NUP54: variants seen among roughly 807,000 people sequenced by gnomAD.
The protein encoded by NUP54 is nucleoporin p54.
In NUP54, 27 loss-of-function variants were observed where a neutral mutation model predicts 66.4. That is an observed-to-expected ratio of 0.41 (90% CI 0.30 to 0.56). The LOEUF (loss-of-function observed/expected upper bound fraction) is 0.56, where lower values mean the gene tolerates loss of function less well. Ranked by LOEUF, NUP54 falls within the 20% of genes least tolerant of loss-of-function variation. The pLI is 0.34. For synonymous variants in NUP54, 206 were observed against 210.7 expected (o/e 0.98, Z 0.19); for missense variants, 486 against 596.3 (o/e 0.82, Z 1.93).
At chr4:76,141,094 G>C (rs1034636378) in intron 3 of NUP54, among the ~76,000 whole-genome samples, 5 of 152,128 alleles carry the variant, frequency 3.3e-5, no homozygotes, top group African/African-American at 1.2e-4. Flanking sequence ...TGATTCACAG[G>C]TATTGCCAAC....
chr4:76,117,942 T>C, intron 10 of NUP54, 133 bp downstream of exon 10: 3 of 1,056,736 alleles, frequency 2.8e-6, no homozygotes, highest in Non-Finnish European at 4.2e-6. Context: ...TGACTGAGTT[T>C]ACTTTAGAAA....
chr4:76,135,879 C>T (rs1423982601), intron 4 of NUP54, among the ~76,000 whole-genome samples: 1 of 152,178 alleles, frequency 6.6e-6, no homozygotes, highest in Non-Finnish European at 1.5e-5. Context: ...ATGAATACCA[C>T]TAAATTGTAG....
chr4:76,148,391 A>G lies in NUP54; in HGVS notation c.-17T>C, dbSNP rs757904376. On this transcript the variant is annotated 5_prime_UTR_variant, in exon 1 of 12. Transcript: ENST00000264883. ...GAAGGCCATGTCGCGAAAGCAGGAG[A>G]CCAAGTAGGTTACTCCTGCGACGCG... The G allele has an allele frequency of 8.6e-6, 13 of 1,505,920 alleles. No individual in the cohort carries two copies. Among genetic ancestry groups the G allele is most frequent in the Non-Finnish European group, 1.1e-5 (12 of 1,124,494 alleles). 93.3% of individuals were successfully genotyped at this position (1,505,920 alleles called of 1,614,324 possible). A position where few individuals can be genotyped will look rare whatever the true frequency, so the allele number is the denominator to read the frequency against.
At position 76,144,216 on chromosome 4, in the gene NUP54, A is replaced by C. The variant is rs1346565002; in HGVS notation, c.228T>G (p.Gly76=). The C allele has an allele frequency of 3.7e-6, 6 of 1,612,442 alleles. No homozygotes were observed. Among genetic ancestry groups the C allele is most frequent in the African/African-American group, 2.7e-5 (2 of 74,860 alleles). The change falls in exon 3 of 12, where the codon GGT becomes GGG. Residue 76 remains glycine, a synonymous_variant. Coordinates refer to ENST00000264883, the MANE Select transcript of NUP54 (RefSeq NM_017426.4). ...GFGTTTGTST[G]LGTGLGTGLG... is the part of the protein sequence containing the mutation. ...GTCCAGTTCCCAAACCAGTACCTAA[A>C]CCAGTACTAGTTCCCGTTGTTGTGC...
chr4:76,127,121 A>G (rs1046318529), intron 8 of NUP54, among the ~76,000 whole-genome samples: 1 of 152,210 alleles, frequency 6.6e-6, no homozygotes. Context: ...GAGGAATATC[A>G]TATTTTTATA....
intron 3 of NUP54, among the ~76,000 whole-genome samples, chr4:76,139,151 G>A (rs922874847): frequency 1.3e-5 from 2 of 152,184 alleles, no homozygotes; most frequent in African/African-American, 4.8e-5. Context: ...CAGTGTGATA[G>A]GGAGGAAATT....
At chr4:76,143,173 G>A (rs1237409898) in intron 3 of NUP54, among the ~76,000 whole-genome samples, 2 of 151,892 alleles carry the variant, frequency 1.3e-5, no homozygotes, top group Non-Finnish European at 2.9e-5. Flanking sequence ...ATATATGTAC[G>A]CCCCAGATCT....
At chr4:76,147,808 G>C in intron 1 of NUP54, 1 of 391,692 alleles carries the variant, frequency 2.6e-6, no homozygotes, top group South Asian at 2.2e-5. Flanking sequence ...GGGTGGGGCA[G>C]ATGGAAGAAG....
At chr4:76,134,128 C>T (rs1383744459) in intron 5 of NUP54, 47 bp downstream of exon 5, 2 of 1,387,510 alleles carry the variant, frequency 1.4e-6, no homozygotes, top group Non-Finnish European at 2.0e-6. Context: ...TCCCTTAGGA[C>T]CAGAAATAAA....
chr4:76,124,631 G>T lies in NUP54; in HGVS notation c.1164+18C>A. On this transcript the variant is annotated intron_variant, in intron 9 of 11. Coordinates refer to ENST00000264883, the MANE Select transcript of NUP54 (RefSeq NM_017426.4). ...ACATAGTCTTATAAACACTGGGGGG[G>T]AAAATCCAAATTACTACCTGTAAAG... 1.6e-6 allele frequency: 2 copies of T among 1,241,414 alleles called. No individual in the cohort carries two copies. Among genetic ancestry groups the T allele is most frequent in the Non-Finnish European group, 2.4e-6 (2 of 848,692 alleles). The allele number at this position is 1,241,414 out of a possible 1,614,324, so 76.9% of individuals were successfully genotyped here.
intron 5 of NUP54, 61 bp from the exon 6 acceptor site, chr4:76,132,780 A>C: frequency 7.7e-6 from 9 of 1,175,076 alleles, no homozygotes; most frequent in Non-Finnish European, 9.8e-6. Flanking sequence ...GACAAACCTC[A>C]GCATATCATA....
chr4:76,125,938 A>C (rs1408607140), intron 8 of NUP54, among the ~76,000 whole-genome samples: 1 of 114,966 alleles, frequency 8.7e-6, no homozygotes, highest in Non-Finnish European at 2.0e-5. Flanking sequence ...CTTCAGAAAT[A>C]ATTAAGGAAT....
At chr4:76,123,086 G>C (rs1020023821) in intron 9 of NUP54, among the ~76,000 whole-genome samples, 4 of 152,168 alleles carry the variant, frequency 2.6e-5, no homozygotes, top group African/African-American at 4.8e-5. Context: ...AATGGGTACG[G>C]GATTTGTCTG....
Position 76,125,837 on chromosome 4 carries a change from GGA to G in NUP54, c.1057-1083_1057-1082del, listed in dbSNP as rs558568035. On this transcript the variant is annotated intron_variant, in intron 8 of 11. Transcript: ENST00000264883. ...AGAAGAGGGAGAAAGGGGGAGAGAG[GGA>G]GAGAGGGAGAGAGGGGGAGGGGGAG... is the stretch of plus-strand genomic sequence containing the variant. Among the ~76,000 whole-genome samples the G allele has an allele frequency of 1.1e-4, 6 of 54,248 alleles. 1 individual carries two copies. In the South Asian group the frequency reaches 6.6e-3, roughly 60 times the overall value. The allele number at this position is 54,248 out of a possible 152,430, so 35.6% of individuals were successfully genotyped here.
At chr4:76,142,384 T>C (rs189689746) in intron 3 of NUP54, among the ~76,000 whole-genome samples, 119 of 152,344 alleles carry the variant, frequency 7.8e-4, no homozygotes, top group Admixed American at 2.1e-3. Flanking sequence ...ATAACTAATC[T>C]TCAGTGACTG....
Position 76,115,231 on chromosome 4 carries a change from A to T in NUP54, c.*135T>A. ...CAGATTTGATGAACAGTAATTTGTCAGTAAACTTCTCAAAAAACCAATCCA... is the reference window on the plus strand; with the variant it reads ...CAGATTTGATGAACAGTAATTTGTCTGTAAACTTCTCAAAAAACCAATCCA... On this transcript the variant is annotated 3_prime_UTR_variant, in exon 12 of 12. Coordinates refer to ENST00000264883, the MANE Select transcript of NUP54 (RefSeq NM_017426.4). 1 of 697,932 alleles carries T rather than the reference A, an allele frequency of 1.4e-6. No individual in the cohort carries two copies. The allele number at this position is 697,932 out of a possible 1,614,324, so 43.2% of individuals were successfully genotyped here.
At chr4:76,137,739 T>C (rs1731099511) in intron 3 of NUP54, among the ~76,000 whole-genome samples, 1 of 152,192 alleles carries the variant, frequency 6.6e-6, no homozygotes, top group Admixed American at 6.5e-5. Context: ...ATGTCATCTT[T>C]CAACAAAGCG....
intron 8 of NUP54, among the ~76,000 whole-genome samples, chr4:76,129,979 T>G (rs1161902617): frequency 1.0e-3 from 72 of 69,470 alleles, no homozygotes; most frequent in Admixed American, 7.4e-4. Flanking sequence ...TTTTTTTTTT[T>G]TTTTTTTTTT....
At position 76,115,102 on chromosome 4, in the gene NUP54, A is replaced by G. The variant is rs866027496; in HGVS notation, c.*264T>C. On this transcript the variant is annotated 3_prime_UTR_variant, in exon 12 of 12. Transcript: ENST00000264883. ...AAATGCTGTTGTAAAAATGTACAAT[A>G]GTACATACAATTTTGGTAATTATGC... The G allele has an allele frequency of 6.4e-5, 19 of 296,036 alleles. No individual in the cohort carries two copies. Among genetic ancestry groups the G allele is most frequent in the Middle Eastern group, 2.0e-3 (2 of 1,014 alleles). The allele number at this position is 296,036 out of a possible 1,614,324, so 18.3% of individuals were successfully genotyped here.
Sources: gnomAD v4.1 joint callset for allele counts (sites outside exome capture counted in the v4.1 genomes callset) on GRCh38, gnomAD v4.1.1 for gene constraint, MANE v1.5 for transcripts, NCBI Gene and HGNC (gene_info 2026-07-23, HGNC 2026-07-21) for gene names.